CSRNP3: variants seen among roughly 807,000 people sequenced by gnomAD.
CSRNP3 encodes cysteine/serine-rich nuclear protein 3.
CSRNP3 carries 12 observed loss-of-function variants against 48.0 expected under a neutral mutation model. The observed-to-expected ratio is 0.25, with a 90% CI of 0.16 to 0.41. The LOEUF (loss-of-function observed/expected upper bound fraction) is 0.41, where lower values mean the gene tolerates loss of function less well. CSRNP3 is among the 10% of genes least tolerant of loss of function. CSRNP3 has a pLI of 1.00. For synonymous variants in CSRNP3, 263 were observed against 269.7 expected, an observed-to-expected ratio of 0.98 and a Z score of 0.24; for missense variants, 580 against 724.4, an observed-to-expected ratio of 0.80 and a Z score of 2.29.
At chr2:165,635,516 C>T (rs544728837) in intron 4 of CSRNP3, among the ~76,000 whole-genome samples, 2 of 152,208 alleles carry the variant, frequency 1.3e-5, no homozygotes, top group South Asian at 2.1e-4. Context: ...TTGGAGAGGG[C>T]AAGTGAGACA....
At chr2:165,642,103 A>AC (rs1686731373) in intron 4 of CSRNP3, among the ~76,000 whole-genome samples, 42 of 132,198 alleles carry the variant, frequency 3.2e-4, no homozygotes, top group African/African-American at 1.0e-3. Flanking sequence ...CACACACACA[A>AC]ACACACACAC....
Position 165,678,836 on chromosome 2 carries a change from C to G in CSRNP3, c.841C>G (p.Arg281Gly). The G allele has an allele frequency of 6.2e-7, 1 of 1,613,976 alleles. No homozygotes were observed. ...TIMKLELEKN[R>G]EQQIPTLNGC... ...AATGAAACTTGAACTGGAGAAAAAC[C>G]GAGAGCAGCAAATCCCCACGCTGAA... The change falls in exon 7 of 7, where the codon CGA (arginine) becomes GGA (glycine). Residue 281 changes from arginine to glycine, a missense_variant. Coordinates refer to ENST00000651982, the MANE Select transcript of CSRNP3 (RefSeq NM_001172173.2).
chr2:165,674,585 G>T (rs1320741132), intron 5 of CSRNP3, among the ~76,000 whole-genome samples: 20 of 144,900 alleles, frequency 1.4e-4, no homozygotes, highest in Non-Finnish European at 1.5e-4. Context: ...ACCTTTTCAT[G>T]ATCACAGATT....
intron 4 of CSRNP3, among the ~76,000 whole-genome samples, chr2:165,617,361 A>G (rs1379441645): frequency 6.6e-6 from 1 of 152,158 alleles, no homozygotes; most frequent in African/African-American, 2.4e-5. Flanking sequence ...TGGATAGGGT[A>G]CTTTAGTTTT....
At chr2:165,646,003 C>T (rs559403470) in intron 4 of CSRNP3, among the ~76,000 whole-genome samples, 1 of 152,180 alleles carries the variant, frequency 6.6e-6, no homozygotes, top group Non-Finnish European at 1.5e-5. Flanking sequence ...CATTGGCCTC[C>T]CAAAGTGCTG....
At chr2:165,617,543 G>C (rs1380253945) in intron 4 of CSRNP3, among the ~76,000 whole-genome samples, 1 of 152,200 alleles carries the variant, frequency 6.6e-6, no homozygotes, top group Non-Finnish European at 1.5e-5. Context: ...CCCCTAGGTG[G>C]CACATGTGTG....
At chr2:165,520,679 A>C (rs1684638710) in intron 3 of CSRNP3, among the ~76,000 whole-genome samples, 2 of 142,752 alleles carry the variant, frequency 1.4e-5, no homozygotes, top group South Asian at 2.3e-4. Context: ...AATTATTTAG[A>C]GGCTCTCTCT....
chr2:165,679,629 C>T lies in CSRNP3; in HGVS notation c.1634C>T (p.Ser545Phe). The T allele has an allele frequency of 6.2e-7, 1 of 1,614,154 alleles. No individual in the cohort carries two copies. The highest frequency in any genetic ancestry group is 8.5e-7 in the Non-Finnish European group (1 of 1,180,008). Residue 545 changes from serine (S) to phenylalanine (F), a missense_variant, in exon 7 of 7, where the codon TCT becomes TTT. Ser to Phe is a radical substitution (Grantham distance 155). Transcript: ENST00000651982. ...LKGPSQEGFV[S>F]ALNGDSHISE... The stretch of plus-strand genomic sequence containing the variant: ...GGCCCCTCCCAAGAAGGGTTTGTCT[C>T]TGCATTGAATGGTGACAGTCACATT...
intron 1 of CSRNP3, among the ~76,000 whole-genome samples, chr2:165,484,977 G>T (rs1684093464): frequency 6.7e-6 from 1 of 149,864 alleles, no homozygotes; most frequent in Non-Finnish European, 1.5e-5. Context: ...TTACTAAACT[G>T]TCATTTTGAA....
chr2:165,675,055 C>T (rs549310869), intron 5 of CSRNP3, among the ~76,000 whole-genome samples: 72 of 152,160 alleles, frequency 4.7e-4, no homozygotes, highest in African/African-American at 1.7e-3. Flanking sequence ...TGTGTTATTT[C>T]CTCTATGAAA....
intron 4 of CSRNP3, among the ~76,000 whole-genome samples, chr2:165,626,050 C>T (rs1686429396): frequency 6.6e-6 from 1 of 151,790 alleles, no homozygotes; most frequent in African/African-American, 2.4e-5. Flanking sequence ...TGGTGAAACC[C>T]TGTCTCTCCT....
rs1464576676 is a variant in CSRNP3 at position 165,561,368 on chromosome 2, G to A, written c.-23-33675G>A. ...TGAATATATTCAAGTTAGGACACAC[G>A]AACCCCCTAAAAGACCATATGAAAT... is the stretch of plus-strand genomic sequence containing the variant. On this transcript the variant is annotated intron_variant, in intron 3 of 6. Transcript: ENST00000651982. 9.9e-5 allele frequency among the ~76,000 whole-genome samples: 15 copies of A among 152,116 alleles called. No individual in the cohort carries two copies. The East Asian group carries it at 2.9e-3, about 29-fold the overall frequency.
At chr2:165,658,133 C>T in intron 5 of CSRNP3, 113 bp downstream of exon 5, 1 of 1,194,904 alleles carries the variant, frequency 8.4e-7, no homozygotes, top group Non-Finnish European at 1.2e-6. Flanking sequence ...ACATAACAGA[C>T]TGCTTGCTGA....
At chr2:165,516,857 C>T (rs772985996) in intron 2 of CSRNP3, among the ~76,000 whole-genome samples, 31 of 152,118 alleles carry the variant, frequency 2.0e-4, no homozygotes, top group South Asian at 2.1e-4. Context: ...AGAATCTTGG[C>T]GGCACAATTT....
intron 2 of CSRNP3, among the ~76,000 whole-genome samples, chr2:165,508,073 G>A (rs986352299): frequency 6.6e-6 from 1 of 151,922 alleles, no homozygotes; most frequent in Non-Finnish European, 1.5e-5. Flanking sequence ...AAAGGTCTCC[G>A]TCTTTTATTC....
At chr2:165,513,033 A>T (rs1684528715) in intron 2 of CSRNP3, among the ~76,000 whole-genome samples, 1 of 151,724 alleles carries the variant, frequency 6.6e-6, no homozygotes. Context: ...TGAACCCAGG[A>T]GGCGGAGGTT....
chr2:165,485,454 T>G lies in CSRNP3; in HGVS notation c.-282-9305T>G, dbSNP rs184043425. 2.1e-4 allele frequency among the ~76,000 whole-genome samples: 32 copies of G among 152,364 alleles called. No homozygotes were observed. The East Asian group carries it at 5.6e-3, about 27-fold the overall frequency. On this transcript the variant is annotated intron_variant, in intron 1 of 6. Transcript: ENST00000651982. ...AATAGCTTTCAGTCTTTCAGAACTT[T>G]CCTGCAATATTTCTAAAACTGTCAA...
At chr2:165,531,502 G>A (rs565710223) in intron 3 of CSRNP3, among the ~76,000 whole-genome samples, 74 of 152,154 alleles carry the variant, frequency 4.9e-4, no homozygotes, top group African/African-American at 1.7e-3. Flanking sequence ...GAGAACATGC[G>A]GTGTTTGGTT....
chr2:165,472,901 T>C (rs1289859609), intron 1 of CSRNP3, among the ~76,000 whole-genome samples: 1 of 152,120 alleles, frequency 6.6e-6, no homozygotes, highest in Non-Finnish European at 1.5e-5. Context: ...TGTCAGTACG[T>C]TATTTTCAAA....
Sources: gnomAD v4.1 joint callset for allele counts (sites outside exome capture counted in the v4.1 genomes callset) on GRCh38, gnomAD v4.1.1 for gene constraint, MANE v1.5 for transcripts, NCBI Gene and HGNC (gene_info 2026-07-23, HGNC 2026-07-21) for gene names.